The following CNTN3 variants were observed in gnomAD, a reference collection of about 807,000 sequenced individuals.
CNTN3 encodes the protein contactin-3.
CNTN3 carries 60 observed loss-of-function variants against 119.1 expected under a neutral mutation model. The ratio of observed to expected loss-of-function variants is 0.50; its 90% confidence interval spans 0.41 to 0.62. The LOEUF (loss-of-function observed/expected upper bound fraction) is 0.62. CNTN3 is among the 20% of genes least tolerant of loss of function. CNTN3 has a pLI of 0.00. For synonymous variants in CNTN3, 450 were observed against 438.7 expected (o/e 1.03, Z -0.32); for missense variants, 1,101 against 1,242.4 (o/e 0.89, Z 1.71).
intron 1 of CNTN3, among the ~76,000 whole-genome samples, chr3:74,546,203 A>C (rs1033941043): frequency 2.6e-5 from 4 of 152,000 alleles, no homozygotes; most frequent in African/African-American, 9.7e-5. Context: ...CACCGTGTTA[A>C]CCAGGATTGT....
chr3:74,600,724 A>G (rs1175658963), intron 1 of CNTN3, among the ~76,000 whole-genome samples: 1 of 152,002 alleles, frequency 6.6e-6, no homozygotes, highest in Non-Finnish European at 1.5e-5. Context: ...GCCTTTCACT[A>G]TAGCAACTAA....
intron 4 of CNTN3, among the ~76,000 whole-genome samples, chr3:74,464,674 T>C (rs190553110): frequency 1.3e-5 from 2 of 152,322 alleles, no homozygotes; most frequent in South Asian, 2.1e-4. Context: ...GTTTGTGGCA[T>C]AATATTTTAA....
intron 4 of CNTN3, among the ~76,000 whole-genome samples, chr3:74,431,424 G>A (rs28645316): frequency 0.038 from 5,828 of 152,158 alleles, 373 homozygotes; most frequent in African/African-American, 0.13. Context: ...GTCTCTGTAC[G>A]ACTTAAAATC....
chr3:74,580,801 G>A (rs58712094), intron 1 of CNTN3, among the ~76,000 whole-genome samples: 2,013 of 152,252 alleles, frequency 0.013, 38 homozygotes, highest in African/African-American at 0.045. Flanking sequence ...CAGCCTGGAC[G>A]TCAACCTCCT....
At chr3:74,580,250 T>C (rs1007128958) in intron 1 of CNTN3, among the ~76,000 whole-genome samples, 4 of 152,190 alleles carry the variant, frequency 2.6e-5, no homozygotes, top group African/African-American at 7.2e-5. Context: ...AAACTTGGAA[T>C]CCAAACCCTT....
intron 11 of CNTN3, among the ~76,000 whole-genome samples, chr3:74,348,383 C>T (rs1703740791): frequency 6.6e-6 from 1 of 152,078 alleles, no homozygotes; most frequent in African/African-American, 2.4e-5. Context: ...AACTTCTCTC[C>T]CTTTGAATTT....
intron 5 of CNTN3, among the ~76,000 whole-genome samples, chr3:74,376,228 T>C (rs967517298): frequency 3.3e-5 from 5 of 152,154 alleles, no homozygotes; most frequent in Admixed American, 2.0e-4. Context: ...ATGTGTGTTG[T>C]TTAAAGCAGG....
chr3:74,292,972 T>C (rs1177386001), intron 19 of CNTN3, among the ~76,000 whole-genome samples: 3 of 152,334 alleles, frequency 2.0e-5, no homozygotes, highest in South Asian at 2.1e-4. Context: ...CTTTAAAAGA[T>C]GTGCATTAAG....
chr3:74,417,881 A>G (rs953950053), intron 5 of CNTN3, among the ~76,000 whole-genome samples: 2 of 152,192 alleles, frequency 1.3e-5, no homozygotes, highest in Non-Finnish European at 2.9e-5. Flanking sequence ...AATAGTTTAC[A>G]ATTTTGAGAT....
chr3:74,534,894 T>G (rs913258237), intron 1 of CNTN3, among the ~76,000 whole-genome samples: 9 of 152,050 alleles, frequency 5.9e-5, no homozygotes, highest in Non-Finnish European at 8.8e-5. Flanking sequence ...CTTTAGACTT[T>G]AAATTTTACA....
intron 5 of CNTN3, among the ~76,000 whole-genome samples, chr3:74,420,328 A>G (rs1456809114): frequency 1.3e-5 from 2 of 152,208 alleles, no homozygotes; most frequent in East Asian, 3.9e-4. Context: ...TGTAAATTAC[A>G]TTGATTAATT....
chr3:74,459,952 G>C (rs1033054422), intron 4 of CNTN3, among the ~76,000 whole-genome samples: 11 of 151,972 alleles, frequency 7.2e-5, no homozygotes, highest in African/African-American at 2.7e-4. Context: ...ATTGCACACA[G>C]TGGTTTCAAA....
intron 1 of CNTN3, among the ~76,000 whole-genome samples, chr3:74,570,269 G>T (rs1704292280): frequency 6.6e-6 from 1 of 152,066 alleles, no homozygotes; most frequent in African/African-American, 2.4e-5. Context: ...TACCATACTT[G>T]CAAAGTAGCA....
chr3:74,314,593 G>A (rs1434089236), intron 13 of CNTN3, among the ~76,000 whole-genome samples: 1 of 152,134 alleles, frequency 6.6e-6, no homozygotes, highest in Non-Finnish European at 1.5e-5. Flanking sequence ...CACTCCAAGA[G>A]GATGTAACAA....
intron 19 of CNTN3, among the ~76,000 whole-genome samples, chr3:74,285,833 A>G (rs886880040): frequency 7.5e-6 from 1 of 132,878 alleles, no homozygotes; most frequent in Non-Finnish European, 1.6e-5. Context: ...ATATATATAT[A>G]TATATAAAAT....
chr3:74,401,207 T>G (rs1297565175), intron 5 of CNTN3, among the ~76,000 whole-genome samples: 4 of 152,126 alleles, frequency 2.6e-5, no homozygotes, highest in African/African-American at 9.7e-5. Flanking sequence ...TTCCACAGCT[T>G]AGGAAGAGCC....
intron 11 of CNTN3, among the ~76,000 whole-genome samples, chr3:74,358,329 G>T (rs1703988670): frequency 6.6e-6 from 1 of 151,998 alleles, no homozygotes; most frequent in Admixed American, 6.6e-5. Flanking sequence ...GCTTGAAAGG[G>T]ATAGAGAACT....
chr3:74,309,847 A>G (rs1702643648), intron 13 of CNTN3, among the ~76,000 whole-genome samples: 1 of 152,184 alleles, frequency 6.6e-6, no homozygotes, highest in African/African-American at 2.4e-5. Flanking sequence ...GGGCAAGAAA[A>G]CTAGTATTTG....
intron 5 of CNTN3, among the ~76,000 whole-genome samples, chr3:74,421,555 T>C (rs1338508918): frequency 6.6e-6 from 1 of 152,208 alleles, no homozygotes; most frequent in South Asian, 2.1e-4. Flanking sequence ...AAATAAAATA[T>C]GATTGTATCT....
Sources: allele counts gnomAD v4.1 joint callset (sites outside exome capture counted in the v4.1 genomes callset), GRCh38; gene constraint gnomAD v4.1.1; transcripts MANE v1.5; gene names NCBI Gene and HGNC (gene_info 2026-07-23, HGNC 2026-07-21).